Variants in LOXHD1 observed in about 807,000 individuals in gnomAD.
LOXHD1 encodes the protein lipoxygenase homology domain-containing protein 1.
LOXHD1 carries 205 observed loss-of-function variants against 248.2 expected under a neutral mutation model. The ratio of observed to expected loss-of-function variants is 0.83; its 90% CI spans 0.74 to 0.93. LOXHD1 has a LOEUF of 0.93. Ranked by LOEUF, LOXHD1 falls within the 40% of genes least tolerant of loss-of-function variation. The pLI, the probability that LOXHD1 is intolerant of heterozygous loss-of-function variation, is 0.00. For missense variants in LOXHD1, 2,930 were observed against 2,971.6 expected, an observed-to-expected ratio of 0.99 and a Z score of 0.33; for synonymous variants, 1,113 against 1,162.8, an observed-to-expected ratio of 0.96 and a Z score of 0.87.
At position 46,533,198 on chromosome 18, in the gene LOXHD1, G is replaced by A. The variant is rs1269852080; in HGVS notation, c.4339C>T (p.Arg1447Trp). 4.4e-5 allele frequency: 68 copies of A among 1,551,622 alleles called. 1 individual carries two copies. Among genetic ancestry groups the A allele is most frequent in the Admixed American group, 7.8e-5 (4 of 50,988 alleles). Residue 1447 changes from arginine (R) to tryptophan (W), a missense_variant, in exon 28 of 41, where the codon CGG (arginine) becomes TGG (tryptophan). Coordinates refer to ENST00000642948, the MANE Select transcript of LOXHD1 (RefSeq NM_001384474.1). Reference protein sequence around the residue: ...TEKYMKDGSLRQVYKEVEEPL... With the variant: ...TEKYMKDGSLWQVYKEVEEPL... ...TCTTCTACTTCCTTGTAGACTTGCC[G>A]TAAGGACCCATCTTTCATGTATTTC...
intron 12 of LOXHD1, among the ~76,000 whole-genome samples, chr18:46,584,075 G>A (rs2038014218): frequency 6.6e-6 from 1 of 152,124 alleles, no homozygotes; most frequent in Non-Finnish European, 1.5e-5. Context: ...AGAACATCAG[G>A]TTAAGTGAAA....
chr18:46,483,842 G>A, intron 39 of LOXHD1, 97 bp from the exon 40 acceptor site: 2 of 1,411,478 alleles, frequency 1.4e-6, no homozygotes, highest in South Asian at 2.8e-5. Flanking sequence ...AGTGGGCCAG[G>A]GAACAGGGAT....
intron 26 of LOXHD1, among the ~76,000 whole-genome samples, chr18:46,535,222 C>A (rs76556594): frequency 0.019 from 2,902 of 152,202 alleles, 90 homozygotes; most frequent in African/African-American, 0.065. Flanking sequence ...TTTTGCTCTG[C>A]ATTGTATCCC....
chr18:46,482,947 C>T (rs2032707249), intron 40 of LOXHD1, among the ~76,000 whole-genome samples: 1 of 152,188 alleles, frequency 6.6e-6, no homozygotes, highest in South Asian at 2.1e-4. Flanking sequence ...CCTTTCCTGC[C>T]TTCCAGAGCC....
At chr18:46,576,503 C>A (rs2144125614) in intron 14 of LOXHD1, among the ~76,000 whole-genome samples, 1 of 152,282 alleles carries the variant, frequency 6.6e-6, no homozygotes, top group South Asian at 2.1e-4. Context: ...GGCCCACCCT[C>A]CCTTTTCCTC....
rs918348196 is a variant in LOXHD1, at chr18:46,577,844, A to G, written c.1833T>C (p.Ser611=). 12 of 1,551,596 alleles carry G rather than the reference A, an allele frequency of 7.7e-6. No homozygotes were observed. The highest frequency in any genetic ancestry group is 1.7e-6 in the Non-Finnish European group (2 of 1,147,008). The change falls in exon 14 of 41, where the codon TCT becomes TCC. Residue 611 remains serine (S), a synonymous_variant. Coordinates refer to ENST00000642948, the MANE Select transcript of LOXHD1 (RefSeq NM_001384474.1). ...CCCGCCTCACATTCCGCATGGTGACAGACTCGATAGTGAACTCGTCAGCCT... is the reference window on the plus strand; with the variant it reads ...CCCGCCTCACATTCCGCATGGTGACGGACTCGATAGTGAACTCGTCAGCCT... The part of the protein sequence containing the change: ...KGNADEFTIE[S]VTMRNVRRVR...
chr18:46,524,960 C>A, intron 29 of LOXHD1, 43 bp from the exon 30 acceptor site: 1 of 1,541,950 alleles, frequency 6.5e-7, no homozygotes, highest in African/African-American at 1.4e-5. Context: ...GGTGTGCCAC[C>A]CACTCAACCC....
At chr18:46,648,396 C>T (rs934526752) in intron 2 of LOXHD1, among the ~76,000 whole-genome samples, 1 of 152,214 alleles carries the variant, frequency 6.6e-6, no homozygotes, top group Non-Finnish European at 1.5e-5. Context: ...TCCCCATGAG[C>T]AGATTAGAAT....
chr18:46,576,307 C>T (rs368880030), intron 14 of LOXHD1, among the ~76,000 whole-genome samples: 7 of 152,244 alleles, frequency 4.6e-5, no homozygotes, highest in Middle Eastern at 3.4e-3. Flanking sequence ...TGACTTGAAG[C>T]GAGGCTGTAC....
chr18:46,636,158 C>G (rs1249312027), intron 4 of LOXHD1, among the ~76,000 whole-genome samples: 1 of 152,208 alleles, frequency 6.6e-6, no homozygotes, highest in Admixed American at 6.5e-5. Context: ...CTTTCATCAT[C>G]TCTACCTTCT....
intron 17 of LOXHD1, among the ~76,000 whole-genome samples, chr18:46,565,161 G>A (rs1222543149): frequency 2.6e-5 from 4 of 152,050 alleles, no homozygotes; most frequent in African/African-American, 9.7e-5. Context: ...CTACTCAGGA[G>A]GCTGAGGCAG....
At chr18:46,519,618 G>A (rs962909686) in intron 33 of LOXHD1, among the ~76,000 whole-genome samples, 7 of 152,098 alleles carry the variant, frequency 4.6e-5, no homozygotes, top group East Asian at 1.9e-4. Context: ...ACAAAAGTGC[G>A]AGCCTGACAC....
Position 46,511,820 on chromosome 18 carries a change from G to A in LOXHD1, c.5400-2005C>T, listed in dbSNP as rs76555239. Among the ~76,000 whole-genome samples, 1,310 of 152,336 alleles carry A rather than the reference G, an allele frequency of 8.6e-3. 14 individuals are homozygous for A. The highest frequency in any genetic ancestry group is 0.03 in the African/African-American group (1,238 of 41,580). ...TAGCTGGGGCTCTCAGGATTGGCCA[G>A]GGTCAGAGTGCCAGTTTTAGCTTTG... On this transcript the variant is annotated intron_variant, in intron 34 of 40. Coordinates refer to ENST00000642948, the MANE Select transcript of LOXHD1 (RefSeq NM_001384474.1).
intron 16 of LOXHD1, among the ~76,000 whole-genome samples, chr18:46,568,041 A>G (rs1215522588): frequency 6.6e-6 from 1 of 152,250 alleles, no homozygotes; most frequent in Non-Finnish European, 1.5e-5. Context: ...ATGTAAATAC[A>G]TCTTGATAAA....
At chr18:46,557,699 TTCTCAC>T (rs1355311192) in intron 20 of LOXHD1, among the ~76,000 whole-genome samples, 1 of 152,202 alleles carries the variant, frequency 6.6e-6, no homozygotes, top group African/African-American at 2.4e-5. Context: ...CCAGGAGATC[TTCTCAC>T]TCTCATGTCC....
chr18:46,534,239 G>A, intron 27 of LOXHD1, 96 bp downstream of exon 27: 1 of 772,590 alleles, frequency 1.3e-6, no homozygotes, highest in East Asian at 2.7e-5. Context: ...TCTCAATAAG[G>A]CTGATCTAGC....
chr18:46,524,639 C>A, intron 30 of LOXHD1, 38 bp from the exon 31 acceptor site: 1 of 1,551,330 alleles, frequency 6.4e-7, no homozygotes, highest in Non-Finnish European at 8.7e-7. Context: ...GCAGCTCCAG[C>A]ACCTCCACCT....
intron 34 of LOXHD1, among the ~76,000 whole-genome samples, chr18:46,516,355 C>T (rs913986575): frequency 2.0e-5 from 3 of 152,134 alleles, no homozygotes; most frequent in South Asian, 2.1e-4. Flanking sequence ...ATTATTATCA[C>T]GACTGCTGTT....
chr18:46,579,840 G>T lies in LOXHD1; in HGVS notation c.1655-56C>A, dbSNP rs2037930051. The T allele has an allele frequency of 4.6e-6, 7 of 1,515,002 alleles. No individual in the cohort carries two copies. In the East Asian group the frequency reaches 7.4e-5, roughly 16 times the overall value. 93.8% of individuals were successfully genotyped at this position (1,515,002 alleles called of 1,614,324 possible). ...GACAGCCCCCTGCTTCCCATCCCTA[G>T]CCCTGCTGCTCCCACTTCTAAGCTC... On this transcript the variant is annotated intron_variant, in intron 12 of 40. Coordinates refer to ENST00000642948, the MANE Select transcript of LOXHD1 (RefSeq NM_001384474.1).
Sources: gnomAD v4.1 joint callset for allele counts (sites outside exome capture counted in the v4.1 genomes callset) on GRCh38, gnomAD v4.1.1 for gene constraint, MANE v1.5 for transcripts, NCBI Gene and HGNC (gene_info 2026-07-23, HGNC 2026-07-21) for gene names.